Variants in TMEM106C observed in about 807,000 individuals in gnomAD.
TMEM106C encodes the protein endoplasmic reticulum membrane protein overexpressed in cancer.
In TMEM106C, 27 loss-of-function variants were observed where a neutral mutation model predicts 30.8. The observed-to-expected ratio is 0.88, with a 90% CI of 0.65 to 1.21. TMEM106C has a LOEUF of 1.21. Ranked by LOEUF, TMEM106C falls within the 50% of genes most tolerant of loss-of-function variation. The probability of loss-of-function intolerance (pLI) is 0.00; values close to 1 mark genes in which losing one functional copy is unlikely to be tolerated. For missense variants in TMEM106C, 288 were observed against 307.8 expected, an observed-to-expected ratio of 0.94 and a Z score of 0.48; for synonymous variants, 123 against 118.8, an observed-to-expected ratio of 1.04 and a Z score of -0.23.
Position 47,965,337 on chromosome 12 carries a change from T to C in TMEM106C, c.243T>C (p.Pro81=), listed in dbSNP as rs1443947617. The change falls in exon 3 of 8, where the codon CCT becomes CCC. Residue 81 remains proline (P), a synonymous_variant. Transcript: ENST00000429772. ...CACACAGTGATCAGAGATTGCGCCC[T>C]CAGCGAACGTGAGTTACCTGCTTCT... The part of the protein sequence containing the change: ...LIPHSDQRLR[P]QRTKQYVLLS... The C allele has an allele frequency of 1.9e-6, 3 of 1,614,048 alleles. No individual in the cohort carries two copies. Among genetic ancestry groups the C allele is most frequent in the Non-Finnish European group, 2.5e-6 (3 of 1,179,920 alleles).
intron 5 of TMEM106C, 57 bp downstream of exon 5, chr12:47,966,286 G>C (rs753451969): frequency 3.0e-5 from 48 of 1,586,986 alleles, no homozygotes; most frequent in Non-Finnish European, 4.1e-5. Context: ...GTAGGGGGCT[G>C]TAGGAATGCC....
At chr12:47,966,925 A>T in intron 6 of TMEM106C, 193 bp downstream of exon 6, 1 of 649,976 alleles carries the variant, frequency 1.5e-6, no homozygotes, top group Non-Finnish European at 2.7e-6. Context: ...GTATTATTTG[A>T]TATGTGACAG....
intron 6 of TMEM106C, 78 bp downstream of exon 6, chr12:47,966,810 T>C: frequency 6.6e-7 from 1 of 1,513,056 alleles, no homozygotes. Flanking sequence ...GATTGGGGCC[T>C]GGTCCTGCCT....
Position 47,968,287 on chromosome 12 carries a change from C to T in TMEM106C, c.*58C>T. 2 of 1,397,600 alleles carry T rather than the reference C, an allele frequency of 1.4e-6. No homozygotes were observed. Among genetic ancestry groups the T allele is most frequent in the Non-Finnish European group, 2.0e-6 (2 of 988,142 alleles). The allele number at this position is 1,397,600 out of a possible 1,614,324, so 86.6% of individuals were successfully genotyped here. On this transcript the variant is annotated 3_prime_UTR_variant, in exon 8 of 8. Coordinates refer to ENST00000429772, the MANE Select transcript of TMEM106C (RefSeq NM_001143842.2). ...TAGAAGAGAGCACAGCATATGTTCCCAAGGCCTGAGTTCTGGACCTACCCC... is the reference window on the plus strand; with the variant it reads ...TAGAAGAGAGCACAGCATATGTTCCTAAGGCCTGAGTTCTGGACCTACCCC...
intron 1 of TMEM106C, chr12:47,963,945 C>A (rs1419895323): frequency 4.2e-6 from 2 of 475,730 alleles, no homozygotes; most frequent in African/African-American, 3.9e-5. Flanking sequence ...TGCCCCAAGT[C>A]CCAGGGCGGT....
intron 1 of TMEM106C, chr12:47,963,990 G>A (rs1938134931): frequency 3.7e-6 from 2 of 540,326 alleles, no homozygotes; most frequent in South Asian, 2.0e-5. Flanking sequence ...GGCAGGCCCC[G>A]TTCCCCCTCC....
rs1938216041 is a variant in TMEM106C, at chr12:47,966,155, C to T, written c.478C>T (p.Gln160Ter). 6.2e-7 allele frequency: 1 copy of T among 1,614,226 alleles called. No individual in the cohort carries two copies. Among genetic ancestry groups the T allele is most frequent in the African/African-American group, 1.3e-5 (1 of 75,060 alleles). Residue 160 changes from glutamine (Q) to a stop codon, truncating the protein, a stop_gained, in exon 5 of 8, where the codon CAG becomes TAG. Transcript: ENST00000429772. LOFTEE classifies it high-confidence loss of function. ...VAVTSLSSQIQYMNTVVSTYV... is the reference protein window; with the variant it reads ...VAVTSLSSQI ...AGTGACCAGCCTGTCCAGCCAGATT[C>T]AGTACATGAACACAGTGGTCAGTAC...
rs1938121183 is a variant in TMEM106C at position 47,963,631 on chromosome 12, C to T, written c.-102C>T. The T allele has an allele frequency of 6.5e-6, 1 of 152,700 alleles. No homozygotes were observed. Among genetic ancestry groups the T allele is most frequent in the South Asian group, 2.1e-4 (1 of 4,876 alleles). The allele number at this position is 152,700 out of a possible 1,614,324, so 9.5% of individuals were successfully genotyped here. A position where few individuals can be genotyped will look rare whatever the true frequency, so the allele number is the denominator to read the frequency against. ...CGTGCCGCTCCGCCGACCGAAGAGG[C>T]TGGTAAGTCCTCAAGCTGGCAGGTG... On this transcript the variant is annotated 5_prime_UTR_variant, in exon 1 of 8. Transcript: ENST00000429772.
intron 2 of TMEM106C, 147 bp downstream of exon 2, chr12:47,964,570 T>A: frequency 1.5e-6 from 1 of 687,382 alleles, no homozygotes; most frequent in Non-Finnish European, 2.5e-6. Flanking sequence ...CTTAATACAC[T>A]TGGGCAGTTC....
intron 2 of TMEM106C, 126 bp from the exon 3 acceptor site, chr12:47,965,156 T>C (rs1049274091): frequency 4.2e-6 from 3 of 715,074 alleles, no homozygotes; most frequent in Non-Finnish European, 7.1e-6. Context: ...AACATGTGAA[T>C]TTCACTAGTA....
chr12:47,965,637 T>C (rs1051053154), intron 3 of TMEM106C: 6 of 740,606 alleles, frequency 8.1e-6, no homozygotes, highest in Non-Finnish European at 1.1e-5. Flanking sequence ...TTCTTCAGCT[T>C]TTCTTCCCAG....
chr12:47,965,391 ATC>A (rs755608031), intron 3 of TMEM106C, 46 bp downstream of exon 3: 3 of 1,531,598 alleles, frequency 2.0e-6, no homozygotes, highest in Admixed American at 1.7e-5. Context: ...TCTGTCCCTA[ATC>A]TCTTTCTGTA....
intron 6 of TMEM106C, 44 bp from the exon 7 acceptor site, chr12:47,967,164 T>TAA (rs552717722): frequency 2.6e-3 from 3,620 of 1,388,906 alleles, no homozygotes; most frequent in Non-Finnish European, 3.1e-3. Flanking sequence ...ACTGAGGCTT[T>TAA]AAAAAAAAAA....
At position 47,964,254 on chromosome 12, in the gene TMEM106C, C is replaced by T. The variant is rs1001324104; in HGVS notation, c.18C>T (p.Ser6=). The T allele has an allele frequency of 1.2e-6, 2 of 1,613,266 alleles. No individual in the cohort carries two copies. The highest frequency in any genetic ancestry group is 8.5e-7 in the Non-Finnish European group (1 of 1,179,596). MGSQH[S]AAARPSSCRR... ...TCACGGCCATGGGGTCTCAGCATTC[C>T]GCTGCTGCTCGCCCCTCCTCCTGCA... The change falls in exon 2 of 8, where the codon TCC becomes TCT. Residue 6 remains serine (S), a synonymous_variant. Coordinates refer to ENST00000429772, the MANE Select transcript of TMEM106C (RefSeq NM_001143842.2).
In TMEM106C at chr12:47,968,533, A is replaced by G. The variant is rs899526566; in HGVS notation, c.*304A>G. On this transcript the variant is annotated 3_prime_UTR_variant, in exon 8 of 8. Transcript: ENST00000429772. ...TCTTAGGGCATTATAAATGGAAATC[A>G]TAACGTGGTTCTAGGTTATCAAACC... is the stretch of plus-strand genomic sequence containing the variant. 6 of 400,520 alleles carry G rather than the reference A, an allele frequency of 1.5e-5. No homozygotes were observed. Among genetic ancestry groups the G allele is most frequent in the African/African-American group, 1.0e-4 (5 of 48,306 alleles). The allele number at this position is 400,520 out of a possible 1,614,324, so 24.8% of individuals were successfully genotyped here.
intron 1 of TMEM106C, 115 bp from the exon 2 acceptor site, chr12:47,964,094 C>G: frequency 1.2e-6 from 1 of 813,160 alleles, no homozygotes; most frequent in East Asian, 2.7e-5. Flanking sequence ...GGTGTTGGGA[C>G]CACACTCAGG....
chr12:47,965,711 T>A, intron 3 of TMEM106C, 127 bp from the exon 4 acceptor site: 4 of 1,212,528 alleles, frequency 3.3e-6, no homozygotes, highest in South Asian at 1.5e-5. Context: ...CTTAACTGGT[T>A]TATGGTTCCT....
chr12:47,965,077 A>G (rs1264807756), intron 2 of TMEM106C, among the ~76,000 whole-genome samples: 1 of 152,156 alleles, frequency 6.6e-6, no homozygotes, highest in African/African-American at 2.4e-5. Context: ...CTTCCACATC[A>G]CTACCCTGGC....
At position 47,966,309 on chromosome 12, in the gene TMEM106C, C is replaced by A. The variant is rs545983177; in HGVS notation, c.552+80C>A. 153 of 1,523,406 alleles carry A rather than the reference C, an allele frequency of 1.0e-4. 1 individual carries two copies. The South Asian group carries it at 1.7e-3, about 16-fold the overall frequency. The allele number at this position is 1,523,406 out of a possible 1,614,324, so 94.4% of individuals were successfully genotyped here. A position where few individuals can be genotyped will look rare whatever the true frequency, so the allele number is the denominator to read the frequency against. ...CTGTAGGAATGCCATAGCTGTGTCA[C>A]TTTCCTTTTTGTCTCCTCATTTCTA... On this transcript the variant is annotated intron_variant, in intron 5 of 7. Coordinates refer to ENST00000429772, the MANE Select transcript of TMEM106C (RefSeq NM_001143842.2).
Sources: allele counts gnomAD v4.1 joint callset (sites outside exome capture counted in the v4.1 genomes callset), GRCh38; gene constraint gnomAD v4.1.1; transcripts MANE v1.5; gene names NCBI Gene and HGNC (gene_info 2026-07-23, HGNC 2026-07-21).